Variants in EYS observed in about 807,000 individuals in gnomAD.
EYS encodes EGF-like photoreceptor maintenance factor.
Under a neutral mutation model 282.1 loss-of-function variants are expected in EYS, and 250 were observed. That is an observed-to-expected ratio of 0.89 (90% confidence interval 0.80 to 0.98). EYS has a LOEUF of 0.98. Among genes scored for constraint, EYS ranks in the 50% least tolerant of loss-of-function variants. The pLI is 0.00. For synonymous variants in EYS, 1,355 were observed against 1,282.9 expected, an observed-to-expected ratio of 1.06 and a Z score of -1.20; for missense variants, 4,016 against 3,709.0, an observed-to-expected ratio of 1.08 and a Z score of -2.15.
At chr6:64,342,135 T>C (rs534242196) in intron 29 of EYS, among the ~76,000 whole-genome samples, 1 of 151,574 alleles carries the variant, frequency 6.6e-6, no homozygotes, top group Non-Finnish European at 1.5e-5. Flanking sequence ...TAGAATGAAA[T>C]AAAATTTAAA....
intron 22 of EYS, among the ~76,000 whole-genome samples, chr6:64,636,342 G>A (rs1209293858): frequency 6.6e-6 from 1 of 152,144 alleles, no homozygotes; most frequent in Non-Finnish European, 1.5e-5. Context: ...AATGAGGAAA[G>A]CGTTCCCTAT....
intron 12 of EYS, among the ~76,000 whole-genome samples, chr6:65,220,554 G>A (rs1034948829): frequency 3.3e-5 from 5 of 152,150 alleles, no homozygotes; most frequent in Non-Finnish European, 5.9e-5. Context: ...ATGCGGAACT[G>A]TGAGTCCATT....
At chr6:64,639,396 A>T (rs1768056596) in intron 22 of EYS, among the ~76,000 whole-genome samples, 1 of 91,378 alleles carries the variant, frequency 1.1e-5, no homozygotes, top group African/African-American at 4.2e-5. Context: ...TGTGGCTTTT[A>T]AAATCATGCT....
chr6:65,067,308 A>G (rs551106911), intron 12 of EYS, among the ~76,000 whole-genome samples: 1 of 152,152 alleles, frequency 6.6e-6, no homozygotes, highest in Non-Finnish European at 1.5e-5. Context: ...GGACATAATT[A>G]AATGATTATT....
At chr6:65,571,210 C>T (rs990947043) in intron 2 of EYS, among the ~76,000 whole-genome samples, 2 of 151,968 alleles carry the variant, frequency 1.3e-5, no homozygotes, top group African/African-American at 4.8e-5. Context: ...GGGCAATCAA[C>T]TCTCAAAGGG....
rs80007794 is a variant in EYS at position 64,754,981 on chromosome 6, C to A, written c.3443+58397G>T. Among the ~76,000 whole-genome samples, 1,455 of 152,040 alleles carry A rather than the reference C, an allele frequency of 9.6e-3. 26 individuals are homozygous for A. Among genetic ancestry groups the A allele is most frequent in the African/African-American group, 0.033 (1,367 of 41,460 alleles). On this transcript the variant is annotated intron_variant, in intron 22 of 42. Coordinates refer to ENST00000503581, the MANE Select transcript of EYS (RefSeq NM_001142800.2). The stretch of plus-strand genomic sequence containing the variant: ...AGAAAGAAATAAAAGATATCCAAAC[C>A]GGAACCGAGGAAGTCAAATTAGCTC...
chr6:64,335,119 T>G (rs1770791877), intron 29 of EYS, among the ~76,000 whole-genome samples: 1 of 152,070 alleles, frequency 6.6e-6, no homozygotes, highest in African/African-American at 2.4e-5. Context: ...TGCTCTTTAC[T>G]AATCTACATT....
chr6:64,975,266 A>G (rs748197588), intron 14 of EYS, among the ~76,000 whole-genome samples: 5 of 151,806 alleles, frequency 3.3e-5, no homozygotes, highest in Non-Finnish European at 7.4e-5. Flanking sequence ...CGCCTGTATT[A>G]ATTTATGTGC....
intron 30 of EYS, among the ~76,000 whole-genome samples, chr6:64,260,335 C>T (rs376071047): frequency 3.0e-4 from 45 of 152,158 alleles, no homozygotes; most frequent in African/African-American, 1.1e-3. Context: ...TTTGTTTTAA[C>T]CGCCTGGTTG....
chr6:64,908,594 T>C (rs375238622), intron 16 of EYS, among the ~76,000 whole-genome samples: 5 of 152,046 alleles, frequency 3.3e-5, no homozygotes, highest in East Asian at 3.9e-4. Context: ...GAGAATTTTA[T>C]TGAGTGATGA....
chr6:64,295,823 C>T (rs562729926), intron 30 of EYS, among the ~76,000 whole-genome samples: 2 of 152,062 alleles, frequency 1.3e-5, no homozygotes, highest in South Asian at 4.2e-4. Flanking sequence ...AAGCATATTT[C>T]AGAATTTTGG....
intron 35 of EYS, among the ~76,000 whole-genome samples, chr6:63,966,404 T>C (rs1297178717): frequency 6.6e-6 from 1 of 152,146 alleles, no homozygotes; most frequent in Non-Finnish European, 1.5e-5. Flanking sequence ...ACAAATATGG[T>C]GCAGTGTATA....
chr6:65,250,095 A>G (rs537175365), intron 12 of EYS, among the ~76,000 whole-genome samples: 1 of 152,110 alleles, frequency 6.6e-6, no homozygotes, highest in East Asian at 1.9e-4. Context: ...AGTATGTGGA[A>G]TATGTGGAAA....
chr6:64,546,439 A>G (rs995613113), intron 26 of EYS, among the ~76,000 whole-genome samples: 18 of 152,202 alleles, frequency 1.2e-4, no homozygotes, highest in Non-Finnish European at 2.1e-4. Context: ...CCTGGGCAAT[A>G]CCATTCAGGA....
At chr6:65,253,462 A>C (rs1767378640) in intron 12 of EYS, among the ~76,000 whole-genome samples, 1 of 151,852 alleles carries the variant, frequency 6.6e-6, no homozygotes, top group Admixed American at 6.6e-5. Flanking sequence ...TTTTCCTTTA[A>C]CTGTTTTATG....
At chr6:65,596,729 T>C (rs2149787619) in intron 2 of EYS, among the ~76,000 whole-genome samples, 1 of 152,196 alleles carries the variant, frequency 6.6e-6, no homozygotes, top group East Asian at 1.9e-4. Flanking sequence ...TAAGGAATGG[T>C]ACATCATTTT....
intron 33 of EYS, among the ~76,000 whole-genome samples, chr6:64,049,856 A>G (rs1242845794): frequency 6.6e-6 from 1 of 152,140 alleles, no homozygotes; most frequent in African/African-American, 2.4e-5. Flanking sequence ...AATAGTCATA[A>G]AAACGGGGTT....
At chr6:64,545,413 C>T (rs1486756132) in intron 26 of EYS, among the ~76,000 whole-genome samples, 2 of 152,176 alleles carry the variant, frequency 1.3e-5, no homozygotes, top group Non-Finnish European at 2.9e-5. Flanking sequence ...CAGCCAATAT[C>T]ATACCGAATG....
chr6:64,270,137 T>C (rs1029570983), intron 30 of EYS, among the ~76,000 whole-genome samples: 1 of 152,144 alleles, frequency 6.6e-6, no homozygotes, highest in Non-Finnish European at 1.5e-5. Context: ...ATTTTTACAA[T>C]TTTATTTTCA....
Sources: gnomAD v4.1 joint callset for allele counts (sites outside exome capture counted in the v4.1 genomes callset) on GRCh38, gnomAD v4.1.1 for gene constraint, MANE v1.5 for transcripts, NCBI Gene and HGNC (gene_info 2026-07-23, HGNC 2026-07-21) for gene names.